XYLT1: variants seen among roughly 807,000 people sequenced by gnomAD.
XYLT1 encodes xylosyltransferase 1, also known as beta-D-xylosyltransferase 1.
Under a neutral mutation model 91.3 loss-of-function variants are expected in XYLT1, and 36 were observed. That is an observed-to-expected ratio of 0.39 (90% confidence interval 0.30 to 0.52). The LOEUF is 0.52. XYLT1 is among the 20% of genes least tolerant of loss of function. The pLI, the probability that XYLT1 is intolerant of heterozygous loss-of-function variation, is 0.68. For synonymous variants in XYLT1, 588 were observed against 532.0 expected (o/e 1.11, Z -1.45); for missense variants, 1,242 against 1,284.5 (o/e 0.97, Z 0.51).
chr16:17,320,090 C>G (rs1263566772), intron 2 of XYLT1, among the ~76,000 whole-genome samples: 1 of 152,216 alleles, frequency 6.6e-6, no homozygotes, highest in East Asian at 1.9e-4. Context: ...TTTGATCTGA[C>G]AGCAGCTCCT....
At chr16:17,318,291 G>A (rs1478326704) in intron 2 of XYLT1, among the ~76,000 whole-genome samples, 2 of 152,220 alleles carry the variant, frequency 1.3e-5, no homozygotes, top group Admixed American at 1.3e-4. Context: ...GAGCTACACA[G>A]CCTCATCACA....
chr16:17,463,331 A>G (rs2036845377), intron 1 of XYLT1, among the ~76,000 whole-genome samples: 1 of 152,182 alleles, frequency 6.6e-6, no homozygotes, highest in South Asian at 2.1e-4. Context: ...CTGACAAGGG[A>G]TTAATAACCA....
At chr16:17,220,863 C>T (rs2032955161) in intron 3 of XYLT1, among the ~76,000 whole-genome samples, 1 of 152,230 alleles carries the variant, frequency 6.6e-6, no homozygotes, top group Non-Finnish European at 1.5e-5. Context: ...AGATCTCACC[C>T]TGGGCAGAAA....
chr16:17,379,147 G>A (rs570610488), intron 1 of XYLT1, among the ~76,000 whole-genome samples: 1 of 152,326 alleles, frequency 6.6e-6, no homozygotes, highest in South Asian at 2.1e-4. Context: ...CCTGCAGGAT[G>A]TCAGCCTAAG....
intron 5 of XYLT1, among the ~76,000 whole-genome samples, chr16:17,173,064 C>A (rs1449088099): frequency 1.3e-5 from 2 of 149,928 alleles, no homozygotes; most frequent in African/African-American, 5.0e-5. Context: ...CAAAAAAAAC[C>A]AAATTAGTAA....
chr16:17,118,178 A>G (rs1343551754), intron 10 of XYLT1, among the ~76,000 whole-genome samples, 199 bp from the exon 11 acceptor site: 1 of 152,212 alleles, frequency 6.6e-6, no homozygotes, highest in Non-Finnish European at 1.5e-5. Flanking sequence ...CTGAAGGATC[A>G]AAAGGCCTGT....
chr16:17,113,607 G>A (rs7195908), intron 11 of XYLT1, among the ~76,000 whole-genome samples: 32,474 of 152,056 alleles, frequency 0.21, 4,325 homozygotes, highest in East Asian at 0.6. Flanking sequence ...AGTCTAATCA[G>A]ATTGTGGGTG....
intron 4 of XYLT1, among the ~76,000 whole-genome samples, chr16:17,199,629 G>T (rs1191432455): frequency 6.6e-6 from 1 of 152,110 alleles, no homozygotes; most frequent in Non-Finnish European, 1.5e-5. Context: ...TACTGTTCTC[G>T]TGGTAGTGAA....
intron 2 of XYLT1, among the ~76,000 whole-genome samples, chr16:17,292,207 C>A (rs1274380644): frequency 6.6e-6 from 1 of 151,756 alleles, no homozygotes; most frequent in East Asian, 1.9e-4. Flanking sequence ...AATTTGCCAC[C>A]AGAAGCATTT....
At chr16:17,285,648 C>A (rs927367793) in intron 2 of XYLT1, among the ~76,000 whole-genome samples, 1 of 152,200 alleles carries the variant, frequency 6.6e-6, no homozygotes, top group Non-Finnish European at 1.5e-5. Context: ...AGGCCCTTCA[C>A]CCCTCACCCT....
chr16:17,447,409 C>T (rs556165499), intron 1 of XYLT1, among the ~76,000 whole-genome samples: 5 of 152,242 alleles, frequency 3.3e-5, no homozygotes, highest in African/African-American at 4.8e-5. Context: ...ATTCTAGACC[C>T]TGTGCCAGGC....
chr16:17,206,813 T>C (rs931179832), intron 3 of XYLT1, among the ~76,000 whole-genome samples: 1 of 152,194 alleles, frequency 6.6e-6, no homozygotes, highest in Non-Finnish European at 1.5e-5. Context: ...ATTATTTAAT[T>C]GTCCCAAGGT....
At chr16:17,310,743 G>T (rs1364813518) in intron 2 of XYLT1, among the ~76,000 whole-genome samples, 3 of 152,146 alleles carry the variant, frequency 2.0e-5, no homozygotes, top group Non-Finnish European at 4.4e-5. Context: ...TAGCTACTAG[G>T]GAGGCTGAGG....
chr16:17,214,621 GGC>G (rs1261027809), intron 3 of XYLT1, among the ~76,000 whole-genome samples: 19 of 152,136 alleles, frequency 1.2e-4, no homozygotes, highest in African/African-American at 4.6e-4. Flanking sequence ...ATGCCAGGCA[GGC>G]ACCATTCTGG....
At chr16:17,137,227 A>AAC (rs1249024303) in intron 8 of XYLT1, among the ~76,000 whole-genome samples, 1 of 152,150 alleles carries the variant, frequency 6.6e-6, no homozygotes, top group African/African-American at 2.4e-5. Context: ...CCCCACTTGG[A>AAC]ACACCCCTCC....
intron 9 of XYLT1, among the ~76,000 whole-genome samples, chr16:17,128,949 TG>T (rs1454300956): frequency 1.3e-5 from 2 of 152,158 alleles, no homozygotes; most frequent in African/African-American, 4.8e-5. Flanking sequence ...GCCTTCCCTC[TG>T]GTCCTGATCT....
At chr16:17,374,259 T>C (rs1439575992) in intron 1 of XYLT1, among the ~76,000 whole-genome samples, 1 of 152,132 alleles carries the variant, frequency 6.6e-6, no homozygotes, top group East Asian at 1.9e-4. Context: ...GTGAGTAGCA[T>C]ATGATAAAGT....
intron 2 of XYLT1, among the ~76,000 whole-genome samples, chr16:17,340,113 C>A (rs2035045127): frequency 6.6e-6 from 1 of 152,054 alleles, no homozygotes; most frequent in Non-Finnish European, 1.5e-5. Flanking sequence ...TCCACCCACC[C>A]ATCCTGTATC....
chr16:17,335,211 T>G (rs959940330), intron 2 of XYLT1, among the ~76,000 whole-genome samples: 2 of 151,082 alleles, frequency 1.3e-5, no homozygotes, highest in Non-Finnish European at 2.9e-5. Context: ...AGAGTGAGAC[T>G]CTGTCTCAAA....
Sources: gnomAD v4.1 joint callset for allele counts (sites outside exome capture counted in the v4.1 genomes callset) on GRCh38, gnomAD v4.1.1 for gene constraint, MANE v1.5 for transcripts, NCBI Gene and HGNC (gene_info 2026-07-23, HGNC 2026-07-21) for gene names.